The following ME1 variants were observed in gnomAD, a reference collection of about 807,000 sequenced individuals.
ME1 encodes malic enzyme 1.
A neutral mutation model predicts 66.4 loss-of-function variants in ME1; 74 were observed. The observed-to-expected ratio is 1.11, with a 90% CI of 0.92 to 1.35. The LOEUF is 1.35. Ranked by LOEUF, ME1 falls within the 40% of genes most tolerant of loss-of-function variation. ME1 has a pLI of 0.00. For synonymous variants in ME1, 251 were observed against 235.6 expected (o/e 1.07, Z -0.60); for missense variants, 750 against 694.1 (o/e 1.08, Z -0.90).
intron 10 of ME1, 94 bp from the exon 11 acceptor site, chr6:83,227,571 T>C: frequency 1.8e-6 from 2 of 1,082,658 alleles, no homozygotes; most frequent in Non-Finnish European, 2.6e-6. Flanking sequence ...TATCAGCTCA[T>C]TTTCTAATAG....
intron 5 of ME1, among the ~76,000 whole-genome samples, chr6:83,315,684 G>C (rs758790051): frequency 3.9e-5 from 6 of 152,164 alleles, no homozygotes; most frequent in African/African-American, 1.2e-4. Context: ...AGATCACGAG[G>C]TCAGGAGATC....
At chr6:83,428,451 C>G (rs1770414815) in intron 1 of ME1, among the ~76,000 whole-genome samples, 1 of 152,132 alleles carries the variant, frequency 6.6e-6, no homozygotes, top group Non-Finnish European at 1.5e-5. Flanking sequence ...GTTGTTGCAG[C>G]TACCCAAAGG....
intron 6 of ME1, among the ~76,000 whole-genome samples, chr6:83,273,992 C>T (rs1230497014): frequency 1.3e-5 from 2 of 152,132 alleles, no homozygotes; most frequent in Non-Finnish European, 2.9e-5. Context: ...CCCTATTAAT[C>T]CCTTCTGTTT....
intron 3 of ME1, among the ~76,000 whole-genome samples, chr6:83,363,667 C>T (rs868226479): frequency 6.6e-6 from 1 of 152,240 alleles, no homozygotes; most frequent in South Asian, 2.1e-4. Flanking sequence ...ACTACAACCA[C>T]ATGACCAGTT....
chr6:83,422,024 A>C (rs1770277935), intron 1 of ME1, among the ~76,000 whole-genome samples: 1 of 152,190 alleles, frequency 6.6e-6, no homozygotes, highest in Non-Finnish European at 1.5e-5. Context: ...TCCGGCCATG[A>C]GGACTGGAAA....
chr6:83,225,207 A>G (rs1790171381), intron 11 of ME1, among the ~76,000 whole-genome samples: 2 of 116,612 alleles, frequency 1.7e-5, no homozygotes, highest in Non-Finnish European at 3.4e-5. Context: ...CTCCATCTCA[A>G]AAAAAAAAAA....
rs1220874115 is a variant in ME1 at position 83,211,172 on chromosome 6, G to A, written c.*752C>T. 2 of 152,194 alleles carry A rather than the reference G, an allele frequency of 1.3e-5. No individual in the cohort carries two copies. The highest frequency in any genetic ancestry group is 6.5e-5 in the Admixed American group (1 of 15,280). The allele number at this position is 152,194 out of a possible 1,614,324, so 9.4% of individuals were successfully genotyped here. ...ACTGAAGGTGCCAACCTCGGGACAGGGGCCACAGTCCACAAAATCCCTGTA... is the reference window on the plus strand; with the variant it reads ...ACTGAAGGTGCCAACCTCGGGACAGAGGCCACAGTCCACAAAATCCCTGTA... On this transcript the variant is annotated 3_prime_UTR_variant, in exon 14 of 14. Coordinates refer to ENST00000369705, the MANE Select transcript of ME1 (RefSeq NM_002395.6).
At chr6:83,393,444 C>T (rs536137666) in intron 3 of ME1, 12 of 580,228 alleles carry the variant, frequency 2.1e-5, no homozygotes, top group African/African-American at 7.4e-5. Context: ...GACAGCACGA[C>T]GGGAAGAGAG....
In ME1 at chr6:83,237,716, C is replaced by G; in HGVS notation, c.1026+1G>C. The G allele has an allele frequency of 6.5e-7, 1 of 1,545,364 alleles. No homozygotes were observed. Among genetic ancestry groups the G allele is most frequent in the Non-Finnish European group, 8.9e-7 (1 of 1,128,162 alleles). ...TCTGGTTAAAAATGACAAATTCTTA[C>G]CTTAACTATTAATCCTTTTGAATCA... On this transcript the variant is annotated splice_donor_variant, in intron 9 of 13. Coordinates refer to ENST00000369705, the MANE Select transcript of ME1 (RefSeq NM_002395.6). LOFTEE classifies it high-confidence loss of function.
intron 3 of ME1, among the ~76,000 whole-genome samples, chr6:83,386,942 A>C (rs2128549290): frequency 6.6e-6 from 1 of 152,204 alleles, no homozygotes; most frequent in South Asian, 2.1e-4. Context: ...GCCTCCCCAG[A>C]ACTGTGAGAA....
At chr6:83,249,573 C>T (rs1790686751) in intron 7 of ME1, among the ~76,000 whole-genome samples, 1 of 152,166 alleles carries the variant, frequency 6.6e-6, no homozygotes, top group South Asian at 2.1e-4. Context: ...GGTATTTCTA[C>T]AAATAATTAT....
intron 6 of ME1, among the ~76,000 whole-genome samples, chr6:83,286,232 A>G (rs1767393732): frequency 6.6e-6 from 1 of 152,146 alleles, no homozygotes; most frequent in Admixed American, 6.6e-5. Context: ...AAAAATTAAG[A>G]TAAATAATTG....
intron 3 of ME1, among the ~76,000 whole-genome samples, chr6:83,391,294 G>A (rs908814092): frequency 6.6e-6 from 1 of 152,046 alleles, no homozygotes; most frequent in African/African-American, 2.4e-5. Flanking sequence ...GTAAAAATAG[G>A]CTACCTACTC....
At chr6:83,423,499 G>A (rs1304281410) in intron 1 of ME1, among the ~76,000 whole-genome samples, 1 of 150,822 alleles carries the variant, frequency 6.6e-6, no homozygotes, top group East Asian at 1.9e-4. Flanking sequence ...ATGTGTGACA[G>A]TTAAAAACAA....
Position 83,364,155 on chromosome 6 carries a change from C to G in ME1, c.363-12016G>C, listed in dbSNP as rs1769055871. On this transcript the variant is annotated intron_variant, in intron 3 of 13. Coordinates refer to ENST00000369705, the MANE Select transcript of ME1 (RefSeq NM_002395.6). ...ACCCACCCTTAATCTTGGTGGGCAC[C>G]ATCTAATCAGCTGCCAGCATGGCTA... 2.0e-5 allele frequency among the ~76,000 whole-genome samples: 3 copies of G among 152,124 alleles called. No individual in the cohort carries two copies. The Middle Eastern group carries it at 0.01, about 517-fold the overall frequency.
rs576324898 is a variant in ME1, at chr6:83,217,949, G to A, written c.1450-1353C>T. ...GAGGTAAGATGGAAAGGAGAAGGAGGTAAAGTTACTAGTATAACTATTTGT... is the reference window on the plus strand; with the variant it reads ...GAGGTAAGATGGAAAGGAGAAGGAGATAAAGTTACTAGTATAACTATTTGT... On this transcript the variant is annotated intron_variant, in intron 12 of 13. Coordinates refer to ENST00000369705, the MANE Select transcript of ME1 (RefSeq NM_002395.6). Among the ~76,000 whole-genome samples the A allele has an allele frequency of 2.7e-4, 41 of 152,220 alleles. 2 individuals are homozygous for A. In the South Asian group the frequency reaches 8.5e-3, roughly 32 times the overall value.
intron 3 of ME1, among the ~76,000 whole-genome samples, chr6:83,353,317 G>T (rs1319643862): frequency 6.6e-6 from 1 of 152,128 alleles, no homozygotes; most frequent in South Asian, 2.1e-4. Context: ...TTTGCTAAAT[G>T]TCTAAATTCA....
chr6:83,262,998 G>T (rs1420171445), intron 6 of ME1, among the ~76,000 whole-genome samples: 1 of 152,094 alleles, frequency 6.6e-6, no homozygotes, highest in Non-Finnish European at 1.5e-5. Context: ...GACAACCCTT[G>T]TTGAGCAAAT....
chr6:83,342,695 C>CT (rs929134861), intron 5 of ME1, among the ~76,000 whole-genome samples: 16 of 151,084 alleles, frequency 1.1e-4, no homozygotes, highest in Admixed American at 2.6e-4. Context: ...TATTTCTTTT[C>CT]TTTTTTTTTG....
Sources: allele counts gnomAD v4.1 joint callset (sites outside exome capture counted in the v4.1 genomes callset), GRCh38; gene constraint gnomAD v4.1.1; transcripts MANE v1.5; gene names NCBI Gene and HGNC (gene_info 2026-07-23, HGNC 2026-07-21).